LRRN2: variants seen among roughly 807,000 people sequenced by gnomAD.
The protein encoded by LRRN2 is leucine rich repeat neuronal 2.
Under a neutral mutation model 35.7 loss-of-function variants are expected in LRRN2, and 10 were observed. The observed-to-expected ratio is 0.28, with a 90% CI of 0.17 to 0.47. The LOEUF is 0.47. Ranked by LOEUF, LRRN2 falls within the 20% of genes least tolerant of loss-of-function variation. LRRN2 has a pLI of 0.99. For synonymous variants in LRRN2, 391 were observed against 409.6 expected (o/e 0.95, Z 0.55); for missense variants, 731 against 940.3 (o/e 0.78, Z 2.91).
intron 1 of LRRN2, among the ~76,000 whole-genome samples, chr1:204,636,355 G>A (rs975739771): frequency 6.6e-6 from 1 of 152,186 alleles, no homozygotes; most frequent in African/African-American, 2.4e-5. Flanking sequence ...GATGATCATG[G>A]ACTTAAAAAT....
chr1:204,658,598 T>C (rs2102615957), intron 1 of LRRN2, among the ~76,000 whole-genome samples: 1 of 152,276 alleles, frequency 6.6e-6, no homozygotes, highest in Non-Finnish European at 1.5e-5. Flanking sequence ...GAGGAAGGGA[T>C]CTGAGGTATC....
chr1:204,658,625 C>T (rs1052751467), intron 1 of LRRN2, among the ~76,000 whole-genome samples: 3 of 152,114 alleles, frequency 2.0e-5, no homozygotes, highest in Non-Finnish European at 2.9e-5. Context: ...CTGTTTCTGG[C>T]CCTACTCCAT....
chr1:204,647,438 C>A (rs1668131221), intron 1 of LRRN2, among the ~76,000 whole-genome samples: 1 of 152,078 alleles, frequency 6.6e-6, no homozygotes, highest in Non-Finnish European at 1.5e-5. Context: ...TCAACAGGGC[C>A]AAAAAAGCAG....
At chr1:204,640,195 G>A (rs1667948474) in intron 1 of LRRN2, among the ~76,000 whole-genome samples, 1 of 152,128 alleles carries the variant, frequency 6.6e-6, no homozygotes, top group African/African-American at 2.4e-5. Flanking sequence ...CCCGCTTCCT[G>A]GTTGATGGAT....
rs1418478810 is a variant in LRRN2, at chr1:204,681,611, T to A, written c.-227+3709A>T. The stretch of plus-strand genomic sequence containing the variant: ...GGTGAACTCCTTGAAGGCAGGGACA[T>A]CTGATCTGTCTCTTTGTCCCCTGCA... On this transcript the variant is annotated intron_variant, in intron 1 of 1. Coordinates refer to ENST00000367177, the MANE Select transcript of LRRN2 (RefSeq NM_201630.2). 3.3e-5 allele frequency among the ~76,000 whole-genome samples: 5 copies of A among 152,152 alleles called. No individual in the cohort carries two copies. In the East Asian group the frequency reaches 9.6e-4, roughly 29 times the overall value.
intron 1 of LRRN2, chr1:204,683,072 G>A (rs1668989066): frequency 6.6e-6 from 1 of 152,246 alleles, no homozygotes; most frequent in Non-Finnish European, 1.5e-5. Context: ...AAAAGCCATG[G>A]AGTTTCCTTT....
At chr1:204,646,764 C>T (rs961175696) in intron 1 of LRRN2, among the ~76,000 whole-genome samples, 1 of 152,228 alleles carries the variant, frequency 6.6e-6, no homozygotes, top group African/African-American at 2.4e-5. Context: ...TAATATGTTA[C>T]TAATTTCACC....
chr1:204,626,353 T>A (rs1379967711), intron 1 of LRRN2, among the ~76,000 whole-genome samples: 2 of 152,112 alleles, frequency 1.3e-5, no homozygotes, highest in African/African-American at 4.8e-5. Context: ...TCTTTTGGGC[T>A]TTCCTGCTCA....
intron 1 of LRRN2, among the ~76,000 whole-genome samples, chr1:204,623,432 G>T (rs1018697460): frequency 3.3e-5 from 5 of 152,234 alleles, no homozygotes; most frequent in South Asian, 4.1e-4. Context: ...TGGGCCGGGA[G>T]CCTGGGGCTG....
chr1:204,677,122 A>G (rs921382967), intron 1 of LRRN2, among the ~76,000 whole-genome samples: 15 of 152,336 alleles, frequency 9.8e-5, no homozygotes, highest in Middle Eastern at 3.4e-3. Flanking sequence ...CAGATGAGGA[A>G]ACTGAGGCTC....
Position 204,617,887 on chromosome 1 carries a change from C to T in LRRN2, c.2106G>A (p.Gly702=), listed in dbSNP as rs1666464921. The change falls in exon 2 of 2, where the codon GGG becomes GGA. Residue 702 remains glycine (G), a synonymous_variant. Coordinates refer to ENST00000367177, the MANE Select transcript of LRRN2 (RefSeq NM_201630.2). ...GAGACAATGGTGGCAACAGTGTCTC[C>T]CCTTCTGAGGATCTGGGCAGCTTCC... ...PGRKLPRSSE[G]ETLLPPLSQN... The T allele has an allele frequency of 6.2e-7, 1 of 1,614,096 alleles. No individual in the cohort carries two copies. The highest frequency in any genetic ancestry group is 8.5e-7 in the Non-Finnish European group (1 of 1,180,026).
intron 1 of LRRN2, among the ~76,000 whole-genome samples, chr1:204,640,825 G>T (rs149206277): frequency 6.6e-6 from 1 of 152,228 alleles, no homozygotes; most frequent in Admixed American, 6.5e-5. Flanking sequence ...AGGCTAGGGA[G>T]GACAGAGCTG....
At chr1:204,646,416 GA>G (rs1668109067) in intron 1 of LRRN2, among the ~76,000 whole-genome samples, 1 of 152,172 alleles carries the variant, frequency 6.6e-6, no homozygotes, top group African/African-American at 2.4e-5. Flanking sequence ...GGGAAACAGG[GA>G]TAGTAGGCAC....
chr1:204,635,112 G>A (rs1026509736), intron 1 of LRRN2, among the ~76,000 whole-genome samples: 5 of 152,160 alleles, frequency 3.3e-5, no homozygotes, highest in Admixed American at 6.5e-5. Flanking sequence ...CTAAAGATCC[G>A]ATCAGATCAC....
chr1:204,679,880 A>G (rs116596717), intron 1 of LRRN2, among the ~76,000 whole-genome samples: 2,060 of 151,968 alleles, frequency 0.014, 50 homozygotes, highest in African/African-American at 0.044. Flanking sequence ...GAGCAGGAGG[A>G]AAAAAAAGGT....
intron 1 of LRRN2, among the ~76,000 whole-genome samples, chr1:204,630,336 GGGGCT>G (rs1342500710): frequency 3.9e-5 from 6 of 152,152 alleles, no homozygotes; most frequent in African/African-American, 1.4e-4. Flanking sequence ...CCTGGTCGGA[GGGGCT>G]GGGCTCTGGC....
In LRRN2 at chr1:204,617,912, C is replaced by T. The variant is rs779319180; in HGVS notation, c.2081G>A (p.Arg694Lys). 3.1e-6 allele frequency: 5 copies of T among 1,614,004 alleles called. No homozygotes were observed. The African/African-American group carries it at 6.7e-5, about 22-fold the overall frequency. Residue 694 changes from arginine (R) to lysine (K), a missense_variant, in exon 2 of 2, where the codon AGG (arginine) becomes AAG (lysine). Physicochemically the swap from Arg to Lys is conservative, Grantham distance 26. Coordinates refer to ENST00000367177, the MANE Select transcript of LRRN2 (RefSeq NM_201630.2). ...CCCTTCTGAGGATCTGGGCAGCTTC[C>T]TCCCTGGATTCCAGGGCAGGACGAG... ...APLVLPWNPG[R>K]KLPRSSEGET...
In LRRN2 at chr1:204,651,306, C is replaced by T. The variant is rs75928748; in HGVS notation, c.-226-31088G>A. On this transcript the variant is annotated intron_variant, in intron 1 of 1. Transcript: ENST00000367177. ...AGCTGGCTGGCACCTTGATTTTGGCCTTTTGGAAACCTGGAGCAGAGAAAT... is the reference window on the plus strand; with the variant it reads ...AGCTGGCTGGCACCTTGATTTTGGCTTTTTGGAAACCTGGAGCAGAGAAAT... 4.2e-3 allele frequency among the ~76,000 whole-genome samples: 634 copies of T among 152,322 alleles called. 6 individuals carry two copies. Among genetic ancestry groups the T allele is most frequent in the African/African-American group, 0.015 (609 of 41,568 alleles).
At chr1:204,671,812 G>T (rs1418903429) in intron 1 of LRRN2, among the ~76,000 whole-genome samples, 1 of 152,162 alleles carries the variant, frequency 6.6e-6, no homozygotes, top group South Asian at 2.1e-4. Flanking sequence ...AAACTAAAAG[G>T]TGTAGAAGGT....
Sources: gnomAD v4.1 joint callset for allele counts (sites outside exome capture counted in the v4.1 genomes callset) on GRCh38, gnomAD v4.1.1 for gene constraint, MANE v1.5 for transcripts, NCBI Gene and HGNC (gene_info 2026-07-23, HGNC 2026-07-21) for gene names.